Variants in ACVR2A observed in about 807,000 individuals in gnomAD.
The protein encoded by ACVR2A is activin A receptor type 2A.
ACVR2A carries 7 observed loss-of-function variants against 61.4 expected under a neutral mutation model. The ratio of observed to expected loss-of-function variants is 0.11; its 90% CI spans 0.06 to 0.21. The LOEUF is 0.21. Among genes scored for constraint, ACVR2A ranks in the 10% least tolerant of loss-of-function variants. The pLI is 1.00. For missense variants in ACVR2A, 322 were observed against 621.7 expected (o/e 0.52, Z 5.13); for synonymous variants, 193 against 208.3 (o/e 0.93, Z 0.63).
At chr2:147,910,554 A>G (rs1247844201) in intron 4 of ACVR2A, among the ~76,000 whole-genome samples, 3 of 152,184 alleles carry the variant, frequency 2.0e-5, no homozygotes, top group Admixed American at 2.0e-4. Flanking sequence ...AGCAACTGGT[A>G]CAGATAAATG....
At chr2:147,861,700 A>G (rs1448726280) in intron 1 of ACVR2A, among the ~76,000 whole-genome samples, 1 of 152,180 alleles carries the variant, frequency 6.6e-6, no homozygotes, top group Non-Finnish European at 1.5e-5. Flanking sequence ...AAAATCTGAA[A>G]TCCAAAACAC....
rs571457958 is a variant in ACVR2A, at chr2:147,908,093, T to C, written c.529-7098T>C. 4.1e-5 allele frequency among the ~76,000 whole-genome samples: 6 copies of C among 147,182 alleles called. No individual in the cohort carries two copies. The South Asian group carries it at 1.3e-3, about 32-fold the overall frequency. On this transcript the variant is annotated intron_variant, in intron 4 of 10. Coordinates refer to ENST00000241416, the MANE Select transcript of ACVR2A (RefSeq NM_001616.5). Reference sequence around the variant, plus strand: ...AAAAAAGCAAAGTAGGATAAAGAGATCAAAGTATATAAACTACATTTAAAA... The same window carrying C: ...AAAAAAGCAAAGTAGGATAAAGAGACCAAAGTATATAAACTACATTTAAAA...
At chr2:147,926,249 T>A in intron 10 of ACVR2A, 88 bp downstream of exon 10, 3 of 1,485,230 alleles carry the variant, frequency 2.0e-6, no homozygotes, top group Non-Finnish European at 2.7e-6. Flanking sequence ...CTCTTTCTTC[T>A]GCAAGTATTT....
intron 1 of ACVR2A, among the ~76,000 whole-genome samples, chr2:147,886,267 C>T (rs996506305): frequency 8.5e-5 from 13 of 152,054 alleles, no homozygotes; most frequent in African/African-American, 2.7e-4. Flanking sequence ...AGCAATGACA[C>T]GTGAAAGGGA....
intron 4 of ACVR2A, among the ~76,000 whole-genome samples, chr2:147,909,527 C>T (rs1232999955): frequency 2.0e-5 from 3 of 152,110 alleles, no homozygotes; most frequent in Non-Finnish European, 4.4e-5. Flanking sequence ...ATTCGATTTT[C>T]ACCGTTACCT....
intron 1 of ACVR2A, among the ~76,000 whole-genome samples, chr2:147,865,021 T>G (rs1331866753): frequency 6.6e-6 from 1 of 152,180 alleles, no homozygotes; most frequent in Admixed American, 6.5e-5. Flanking sequence ...GACTTTTTTT[T>G]TTTGGGAGGC....
At chr2:147,895,277 A>T (rs888288434) in intron 1 of ACVR2A, among the ~76,000 whole-genome samples, 1 of 152,204 alleles carries the variant, frequency 6.6e-6, no homozygotes, top group African/African-American at 2.4e-5. Context: ...TACATAGTGC[A>T]CTACTGTAAT....
At chr2:147,911,696 G>T (rs776130097) in intron 4 of ACVR2A, among the ~76,000 whole-genome samples, 3 of 151,834 alleles carry the variant, frequency 2.0e-5, no homozygotes, top group Non-Finnish European at 4.4e-5. Flanking sequence ...TGTCATAAAG[G>T]GTTCTCCCTC....
intron 1 of ACVR2A, among the ~76,000 whole-genome samples, chr2:147,880,820 T>C (rs185253563): frequency 2.8e-4 from 42 of 152,294 alleles, no homozygotes; most frequent in African/African-American, 9.1e-4. Context: ...GCTGTACCTG[T>C]GTGAAAGACC....
chr2:147,845,315 G>A, intron 1 of ACVR2A, 108 bp downstream of exon 1: 1 of 793,412 alleles, frequency 1.3e-6, no homozygotes, highest in Non-Finnish European at 1.8e-6. Context: ...GCCTGGGGAG[G>A]TTGCCCACTC....
intron 1 of ACVR2A, among the ~76,000 whole-genome samples, chr2:147,894,146 C>T (rs901954824): frequency 2.0e-5 from 3 of 152,028 alleles, no homozygotes; most frequent in Non-Finnish European, 2.9e-5. Context: ...ATTGAATTGC[C>T]TTGACATCTT....
intron 4 of ACVR2A, among the ~76,000 whole-genome samples, chr2:147,908,833 C>G (rs1341419266): frequency 6.6e-6 from 1 of 152,062 alleles, no homozygotes; most frequent in Non-Finnish European, 1.5e-5. Context: ...AAATCAGTCT[C>G]TCTCTCTCTA....
At chr2:147,926,968 CAG>C (rs1425638044) in intron 10 of ACVR2A, 110 bp from the exon 11 acceptor site, 20 of 1,017,302 alleles carry the variant, frequency 2.0e-5, no homozygotes, top group Non-Finnish European at 2.9e-5. Flanking sequence ...TGAATGTTGA[CAG>C]AAACTTCTTT....
At chr2:147,913,665 A>G (rs1687174839) in intron 4 of ACVR2A, among the ~76,000 whole-genome samples, 1 of 151,510 alleles carries the variant, frequency 6.6e-6, no homozygotes, top group Admixed American at 6.6e-5. Context: ...TTTTTAATAA[A>G]AACTCTCTAG....
At chr2:147,883,993 G>T (rs1188043078) in intron 1 of ACVR2A, among the ~76,000 whole-genome samples, 1 of 152,106 alleles carries the variant, frequency 6.6e-6, no homozygotes, top group East Asian at 1.9e-4. Context: ...AACCCTTAAT[G>T]TAGGTAGTGT....
chr2:147,921,551 GACTA>G (rs1318229748), intron 8 of ACVR2A, among the ~76,000 whole-genome samples: 4 of 152,070 alleles, frequency 2.6e-5, no homozygotes, highest in Non-Finnish European at 4.4e-5. Context: ...TGGCAGTATT[GACTA>G]ACTATTTAAG....
intron 1 of ACVR2A, among the ~76,000 whole-genome samples, chr2:147,867,923 TC>T (rs1265741897): frequency 2.6e-5 from 4 of 152,180 alleles, no homozygotes; most frequent in African/African-American, 9.7e-5. Flanking sequence ...ATTTTGTACT[TC>T]CTGCAATTAC....
chr2:147,892,702 G>T (rs974038525), intron 1 of ACVR2A, among the ~76,000 whole-genome samples: 3 of 151,528 alleles, frequency 2.0e-5, no homozygotes, highest in African/African-American at 7.3e-5. Context: ...CTGGATTATT[G>T]TATCTGTTTC....
At chr2:147,892,804 T>TA (rs1686619803) in intron 1 of ACVR2A, among the ~76,000 whole-genome samples, 1 of 151,790 alleles carries the variant, frequency 6.6e-6, no homozygotes. Flanking sequence ...AAAGGAATAG[T>TA]ATTTTAATAA....
Sources: allele counts gnomAD v4.1 joint callset (sites outside exome capture counted in the v4.1 genomes callset), GRCh38; gene constraint gnomAD v4.1.1; transcripts MANE v1.5; gene names NCBI Gene and HGNC (gene_info 2026-07-23, HGNC 2026-07-21).